UQCC1: variants seen among roughly 807,000 people sequenced by gnomAD.
The protein encoded by UQCC1 is ubiquinol-cytochrome c reductase complex assembly factor 1.
UQCC1 carries 38 observed loss-of-function variants against 48.0 expected under a neutral mutation model. The ratio of observed to expected loss-of-function variants is 0.79; its 90% CI spans 0.61 to 1.04. The LOEUF (loss-of-function observed/expected upper bound fraction) is 1.04. Ranked by LOEUF, UQCC1 falls within the 50% of genes least tolerant of loss-of-function variation. UQCC1 has a pLI of 0.00. For missense variants in UQCC1, 368 were observed against 381.8 expected, an observed-to-expected ratio of 0.96 and a Z score of 0.30; for synonymous variants, 111 against 129.2, an observed-to-expected ratio of 0.86 and a Z score of 0.95.
chr20:35,376,803 A>G lies in UQCC1; in HGVS notation c.334-2547T>C, dbSNP rs146057156. On this transcript the variant is annotated intron_variant, in intron 4 of 9. Transcript: ENST00000374385. ...CATGGTGAAACTCCATCTCTACTAA[A>G]TATACAAAAATTAGCTGGGTGTGGT... Among the ~76,000 whole-genome samples, 518 of 152,196 alleles carry G rather than the reference A, an allele frequency of 3.4e-3. 6 individuals carry two copies. The highest frequency in any genetic ancestry group is 0.023 in the Admixed American group (354 of 15,276).
intron 1 of UQCC1, among the ~76,000 whole-genome samples, chr20:35,406,911 C>T (rs1175188588): frequency 6.6e-6 from 1 of 152,110 alleles, no homozygotes; most frequent in Non-Finnish European, 1.5e-5. Flanking sequence ...TTAATCCAAA[C>T]AAGACTGTTA....
rs1172467457 is a variant in UQCC1 at position 35,338,856 on chromosome 20, G to GA, written c.573+8307dup. Among the ~76,000 whole-genome samples, 9 of 26,846 alleles carry GA rather than the reference G, an allele frequency of 3.4e-4. 2 individuals carry two copies. Among genetic ancestry groups the GA allele is most frequent in the East Asian group, 1.0e-3 (1 of 994 alleles). 17.6% of individuals were successfully genotyped at this position (26,846 alleles called of 152,430 possible). A position where few individuals can be genotyped will look rare whatever the true frequency, so the allele number is the denominator to read the frequency against. ...GAGAAAGCAAGACTCCGTCTCAAAA[G>GA]AAAAAAAAAAAAAAAAAAAAAAAAA... On this transcript the variant is annotated intron_variant, in intron 7 of 9. Transcript: ENST00000374385.
chr20:35,304,116 A>C, intron 9 of UQCC1, 47 bp from the exon 10 acceptor site: 1 of 1,610,362 alleles, frequency 6.2e-7, no homozygotes, highest in Middle Eastern at 1.7e-4. Context: ...GGCAGGGCAG[A>C]GGTGAGGAGC....
At chr20:35,388,741 G>T (rs1054961072) in intron 2 of UQCC1, among the ~76,000 whole-genome samples, 8 of 152,136 alleles carry the variant, frequency 5.3e-5, no homozygotes, top group African/African-American at 1.9e-4. Flanking sequence ...TTAATACCCA[G>T]ATCTTGATTT....
intron 7 of UQCC1, among the ~76,000 whole-genome samples, chr20:35,331,771 C>G (rs2061259928): frequency 6.6e-6 from 1 of 152,192 alleles, no homozygotes; most frequent in East Asian, 1.9e-4. Flanking sequence ...GATCTTTGTC[C>G]TCCAGAAAGC....
intron 6 of UQCC1, among the ~76,000 whole-genome samples, chr20:35,352,844 G>T (rs534424707): frequency 6.6e-6 from 1 of 151,970 alleles, no homozygotes; most frequent in South Asian, 2.1e-4. Flanking sequence ...CACTGAGCCC[G>T]GCTAATTTTT....
chr20:35,340,614 A>C (rs1444547991), intron 7 of UQCC1, among the ~76,000 whole-genome samples: 1 of 152,144 alleles, frequency 6.6e-6, no homozygotes, highest in East Asian at 1.9e-4. Context: ...CCTCCCACAG[A>C]GCTGAGACCA....
intron 1 of UQCC1, among the ~76,000 whole-genome samples, chr20:35,398,699 T>C (rs1181577141): frequency 1.5e-5 from 2 of 130,884 alleles, no homozygotes; most frequent in Non-Finnish European, 3.1e-5. Flanking sequence ...GTTCCTGTAC[T>C]AAAAATGTTA....
In UQCC1 at chr20:35,329,860, G is replaced by C. The variant is rs151118037; in HGVS notation, c.574-15095C>G. Among the ~76,000 whole-genome samples the C allele has an allele frequency of 2.6e-3, 397 of 152,320 alleles. 1 individual carries two copies. Among genetic ancestry groups the C allele is most frequent in the African/African-American group, 9.2e-3 (383 of 41,560 alleles). ...TGTATGTCTTACTACTGCAACCACT[G>C]CTTTTTCCAAAGACGCTATTTACAG... On this transcript the variant is annotated intron_variant, in intron 7 of 9. Transcript: ENST00000374385.
chr20:35,407,972 A>G (rs1462359332), intron 1 of UQCC1, among the ~76,000 whole-genome samples: 1 of 152,170 alleles, frequency 6.6e-6, no homozygotes, highest in Non-Finnish European at 1.5e-5. Flanking sequence ...CGGTGAGCCG[A>G]GATCATGCCA....
At chr20:35,326,365 T>C (rs1199932931) in intron 7 of UQCC1, among the ~76,000 whole-genome samples, 1 of 152,228 alleles carries the variant, frequency 6.6e-6, no homozygotes, top group Non-Finnish European at 1.5e-5. Flanking sequence ...CTGATGACTT[T>C]CTGACCCTGG....
At chr20:35,397,413 G>A (rs1361184893) in intron 1 of UQCC1, among the ~76,000 whole-genome samples, 1 of 150,784 alleles carries the variant, frequency 6.6e-6, no homozygotes, top group Non-Finnish European at 1.5e-5. Context: ...CTACTCAGGA[G>A]GCTGAGGTAG....
chr20:35,360,737 G>C (rs1465606580), intron 6 of UQCC1, among the ~76,000 whole-genome samples: 1 of 152,084 alleles, frequency 6.6e-6, no homozygotes, highest in Non-Finnish European at 1.5e-5. Context: ...CCCTGTGCTA[G>C]TTTCAGGTTT....
chr20:35,339,885 A>G (rs2061358732), intron 7 of UQCC1, among the ~76,000 whole-genome samples: 1 of 151,818 alleles, frequency 6.6e-6, no homozygotes, highest in African/African-American at 2.4e-5. Flanking sequence ...GTTTATCTCT[A>G]TCCATACATC....
At chr20:35,360,756 C>G (rs1170986178) in intron 6 of UQCC1, among the ~76,000 whole-genome samples, 1 of 152,118 alleles carries the variant, frequency 6.6e-6, no homozygotes, top group African/African-American at 2.4e-5. Flanking sequence ...TTACCTGTGG[C>G]CTCTCCCAGG....
At position 35,384,252 on chromosome 20, in the gene UQCC1, T is replaced by C. The variant is rs2061911058; in HGVS notation, c.130-119A>G. 38 of 772,154 alleles carry C rather than the reference T, an allele frequency of 4.9e-5. No individual in the cohort carries two copies. The South Asian group carries it at 6.0e-4, about 12-fold the overall frequency. The allele number at this position is 772,154 out of a possible 1,614,324, so 47.8% of individuals were successfully genotyped here. On this transcript the variant is annotated intron_variant, in intron 2 of 9. Transcript: ENST00000374385. ...CAACCTTACTTAGCCCACTTCCCCG[T>C]GATCAGCTCACCAGGAAGACCCAAG... is the stretch of plus-strand genomic sequence containing the variant.
chr20:35,374,347 C>A, intron 4 of UQCC1, 91 bp from the exon 5 acceptor site: 1 of 1,008,016 alleles, frequency 9.9e-7, no homozygotes. Flanking sequence ...TATATTTCTT[C>A]AACTAGAAGG....
intron 7 of UQCC1, among the ~76,000 whole-genome samples, chr20:35,319,528 T>C (rs1325075804): frequency 6.6e-6 from 1 of 152,118 alleles, no homozygotes; most frequent in African/African-American, 2.4e-5. Context: ...ACTTAACACA[T>C]ACTACAAATA....
intron 8 of UQCC1, among the ~76,000 whole-genome samples, chr20:35,314,100 G>T (rs2061027570): frequency 6.6e-6 from 1 of 151,946 alleles, no homozygotes; most frequent in African/African-American, 2.4e-5. Context: ...GAGTAGCTGG[G>T]ATTACAGGCA....
Sources: gnomAD v4.1 joint callset for allele counts (sites outside exome capture counted in the v4.1 genomes callset) on GRCh38, gnomAD v4.1.1 for gene constraint, MANE v1.5 for transcripts, NCBI Gene and HGNC (gene_info 2026-07-23, HGNC 2026-07-21) for gene names.